Variants in PRKACB observed in about 807,000 individuals in gnomAD.
PRKACB encodes the protein cAMP-dependent protein kinase catalytic subunit beta.
Under a neutral mutation model 51.4 loss-of-function variants are expected in PRKACB, and 16 were observed. The observed-to-expected ratio is 0.31, with a 90% CI of 0.21 to 0.47. The LOEUF (loss-of-function observed/expected upper bound fraction) is 0.47, where lower values mean the gene tolerates loss of function less well. PRKACB is among the 20% of genes least tolerant of loss of function. The probability of loss-of-function intolerance (pLI) is 1.00; values close to 1 mark genes in which losing one functional copy is unlikely to be tolerated. For missense variants in PRKACB, 309 were observed against 464.5 expected (o/e 0.67, Z 3.08); for synonymous variants, 147 against 154.4 (o/e 0.95, Z 0.35).
At chr1:84,112,914 G>C (rs1650348873) in intron 1 of PRKACB, among the ~76,000 whole-genome samples, 1 of 152,256 alleles carries the variant, frequency 6.6e-6, no homozygotes, top group Admixed American at 6.5e-5. Flanking sequence ...TACAGTGTTA[G>C]AAATTCCCTA....
chr1:84,223,975 G>A (rs1674162246), intron 9 of PRKACB, among the ~76,000 whole-genome samples: 1 of 152,170 alleles, frequency 6.6e-6, no homozygotes, highest in African/African-American at 2.4e-5. Flanking sequence ...ATTGGCTTTT[G>A]TAGGGTAAGA....
intron 5 of PRKACB, among the ~76,000 whole-genome samples, chr1:84,186,403 GAC>G (rs1665123746): frequency 6.6e-6 from 1 of 151,806 alleles, no homozygotes; most frequent in African/African-American, 2.4e-5. Flanking sequence ...ATTTTTGGTA[GAC>G]ACAGGTTTTC....
At chr1:84,206,325 AG>A (rs1482297974) in intron 8 of PRKACB, among the ~76,000 whole-genome samples, 2 of 152,160 alleles carry the variant, frequency 1.3e-5, no homozygotes, top group African/African-American at 4.8e-5. Flanking sequence ...ATTTACATGA[AG>A]GGTAATTGAT....
At chr1:84,158,689 G>GT (rs1655816452) in intron 1 of PRKACB, among the ~76,000 whole-genome samples, 3 of 151,948 alleles carry the variant, frequency 2.0e-5, no homozygotes, top group Admixed American at 1.3e-4. Context: ...CCAATTTATC[G>GT]TTTTTTCCTT....
At chr1:84,190,454 T>C (rs975451287) in intron 5 of PRKACB, among the ~76,000 whole-genome samples, 1 of 147,962 alleles carries the variant, frequency 6.8e-6, no homozygotes, top group Non-Finnish European at 1.5e-5. Flanking sequence ...TATTAGCCAA[T>C]TTTATAGCCT....
chr1:84,113,292 A>T (rs1413482773), intron 1 of PRKACB, among the ~76,000 whole-genome samples: 1 of 152,150 alleles, frequency 6.6e-6, no homozygotes, highest in Non-Finnish European at 1.5e-5. Context: ...ATAAACTGTG[A>T]CCCAGGAATT....
chr1:84,123,477 A>G (rs1571672998), intron 1 of PRKACB, among the ~76,000 whole-genome samples: 1 of 152,286 alleles, frequency 6.6e-6, no homozygotes, highest in East Asian at 1.9e-4. Flanking sequence ...CAAAGTACTA[A>G]CAAAATCTTA....
At chr1:84,218,457 G>C (rs1278806086) in intron 9 of PRKACB, among the ~76,000 whole-genome samples, 2 of 152,110 alleles carry the variant, frequency 1.3e-5, no homozygotes, top group African/African-American at 4.8e-5. Context: ...AGAATGATCT[G>C]TTTCTATCCA....
At chr1:84,141,598 G>C (rs1159924798), upstream of PRKACB, among the ~76,000 whole-genome samples, 1 of 152,060 alleles carries the variant, frequency 6.6e-6, no homozygotes, top group African/African-American at 2.4e-5. Context: ...ATCTAGTGAA[G>C]TTTACTCTTT....
rs565183084 is a variant in PRKACB, at chr1:84,102,988, C to T, written c.46+24617C>T. Among the ~76,000 whole-genome samples, 178 of 152,232 alleles carry T rather than the reference C, an allele frequency of 1.2e-3. No individual in the cohort carries two copies. In the South Asian group the frequency reaches 0.013, roughly 12 times the overall value. Reference sequence around the variant, plus strand: ...GGGCAGATAACTTGTCTCTTTAGTTCACAAGTCTTTAGATTAAGAGAAACT... The same window carrying T: ...GGGCAGATAACTTGTCTCTTTAGTTTACAAGTCTTTAGATTAAGAGAAACT... On this transcript the variant is annotated intron_variant, in intron 1 of 8. Coordinates refer to the PRKACB transcript ENST00000370688.
chr1:84,196,474 A>G, intron 5 of PRKACB, 142 bp from the exon 6 acceptor site: 1 of 744,496 alleles, frequency 1.3e-6, no homozygotes, highest in South Asian at 2.9e-5. Flanking sequence ...TTGAAAAGTA[A>G]CAAGGTTCTT....
At chr1:84,137,067 T>C (rs1019868839) in intron 1 of PRKACB, among the ~76,000 whole-genome samples, 5 of 152,128 alleles carry the variant, frequency 3.3e-5, no homozygotes, top group African/African-American at 9.7e-5. Flanking sequence ...CTCTTCACCT[T>C]CTGGGGTGAT....
At chr1:84,082,886 A>C (rs1383378541) in intron 1 of PRKACB, among the ~76,000 whole-genome samples, 2 of 152,232 alleles carry the variant, frequency 1.3e-5, no homozygotes, top group African/African-American at 4.8e-5. Flanking sequence ...GTGGATCCTT[A>C]CAAGTGAGTG....
chr1:84,096,714 A>G (rs1379557616), intron 1 of PRKACB, among the ~76,000 whole-genome samples: 3 of 152,102 alleles, frequency 2.0e-5, no homozygotes, highest in Non-Finnish European at 2.9e-5. Context: ...ACTTTATTGA[A>G]GCAGAAATCC....
In PRKACB at chr1:84,235,397, A is replaced by T. The variant is rs1260856183; in HGVS notation, c.*92A>T. 4.6e-6 allele frequency: 7 copies of T among 1,531,226 alleles called. No homozygotes were observed. The highest frequency in any genetic ancestry group is 6.2e-6 in the Non-Finnish European group (7 of 1,122,254). The allele number at this position is 1,531,226 out of a possible 1,614,324, so 94.9% of individuals were successfully genotyped here. A position where few individuals can be genotyped will look rare whatever the true frequency, so the allele number is the denominator to read the frequency against. The stretch of plus-strand genomic sequence containing the variant: ...TGAGACCGTCCTTGTTGAAGCAGTT[A>T]CCTAGTTCCTTCATTCCAACGACTG... On this transcript the variant is annotated 3_prime_UTR_variant, in exon 10 of 10. Coordinates refer to ENST00000370685, the MANE Select transcript of PRKACB (RefSeq NM_182948.4).
At chr1:84,102,601 AC>A (rs918382775) in intron 1 of PRKACB, among the ~76,000 whole-genome samples, 2 of 152,150 alleles carry the variant, frequency 1.3e-5, no homozygotes, top group Non-Finnish European at 2.9e-5. Context: ...AATATGAGAA[AC>A]CCACAGAGTT....
intron 1 of PRKACB, among the ~76,000 whole-genome samples, chr1:84,150,969 T>C (rs1654788429): frequency 6.6e-6 from 1 of 152,176 alleles, no homozygotes; most frequent in South Asian, 2.1e-4. Flanking sequence ...ACAAATAAAA[T>C]TGCGTATATT....
chr1:84,163,296 G>A (rs1656484796), intron 1 of PRKACB, among the ~76,000 whole-genome samples: 1 of 152,076 alleles, frequency 6.6e-6, no homozygotes, highest in African/African-American at 2.4e-5. Context: ...AAGGTGGGCA[G>A]ACTGGGTGGC....
At chr1:84,145,190 T>G (rs1033507080) in intron 1 of PRKACB, among the ~76,000 whole-genome samples, 1 of 152,120 alleles carries the variant, frequency 6.6e-6, no homozygotes, top group Non-Finnish European at 1.5e-5. Flanking sequence ...GTTAAAATGT[T>G]TGAACTTGCA....
Sources: allele counts gnomAD v4.1 joint callset (sites outside exome capture counted in the v4.1 genomes callset), GRCh38; gene constraint gnomAD v4.1.1; transcripts MANE v1.5; gene names NCBI Gene and HGNC (gene_info 2026-07-23, HGNC 2026-07-21).